Variants in SCN7A observed in about 807,000 individuals in gnomAD.
The protein encoded by SCN7A is sodium voltage-gated channel alpha subunit 7, also known as sodium channel protein type 7 subunit alpha.
Under a neutral mutation model 155.2 loss-of-function variants are expected in SCN7A, and 138 were observed. That is an observed-to-expected ratio of 0.89 (90% CI 0.77 to 1.02). SCN7A has a LOEUF of 1.02. Ranked by LOEUF, SCN7A falls within the 50% of genes least tolerant of loss-of-function variation. SCN7A has a pLI of 0.00. For missense variants in SCN7A, 2,058 were observed against 1,986.6 expected, an observed-to-expected ratio of 1.04 and a Z score of -0.68; for synonymous variants, 693 against 649.0, an observed-to-expected ratio of 1.07 and a Z score of -1.03.
chr2:166,405,979 G>A lies in SCN7A; in HGVS notation c.4650C>T (p.Phe1550=), dbSNP rs1335297413. Residue 1550 remains phenylalanine, a synonymous_variant, in exon 26 of 26, where the codon TTC becomes TTT. Coordinates refer to ENST00000643258, the MANE Select transcript of SCN7A (RefSeq NM_002976.4). ...DFAAALDPPL[F]MAKPNKGQLI... is the part of the protein sequence containing the mutation. The stretch of plus-strand genomic sequence containing the variant: ...GCTGGCCCTTGTTTGGTTTTGCCAT[G>A]AAAAGAGGAGGATCAAGAGCAGCTG... 20 of 1,612,868 alleles carry A rather than the reference G, an allele frequency of 1.2e-5. No individual in the cohort carries two copies. The Admixed American group carries it at 2.8e-4, about 23-fold the overall frequency.
intron 6 of SCN7A, among the ~76,000 whole-genome samples, chr2:166,471,101 TG>T (rs982308379): frequency 1.1e-4 from 16 of 151,862 alleles, no homozygotes; most frequent in African/African-American, 3.9e-4. Flanking sequence ...ATGGTAATTA[TG>T]GTGGTGATAT....
Position 166,474,278 on chromosome 2 carries a change from A to T in SCN7A, c.301T>A (p.Leu101Met), listed in dbSNP as rs199836504. 4.2e-4 allele frequency: 634 copies of T among 1,527,070 alleles called. 2 individuals are homozygous for T. Among genetic ancestry groups the T allele is most frequent in the Non-Finnish European group, 4.8e-4 (546 of 1,132,196 alleles). The allele number at this position is 1,527,070 out of a possible 1,614,324, so 94.6% of individuals were successfully genotyped here. The change falls in exon 4 of 26, where the codon TTG becomes ATG. Residue 101 changes from leucine (L) to methionine (M), a missense_variant. Physicochemically the swap from Leu to Met is conservative, Grantham distance 15. Coordinates refer to ENST00000643258, the MANE Select transcript of SCN7A (RefSeq NM_002976.4). ...CTTCTAATACAATTGAAAGGAGACA[A>T]TGTACACAAGATGGAAGCCGCATTG... ...RFNAASILCT[L>M]SPFNCIRRTT...
At chr2:166,440,076 AC>A (rs1701926004) in intron 15 of SCN7A, among the ~76,000 whole-genome samples, 1 of 152,166 alleles carries the variant, frequency 6.6e-6, no homozygotes, top group Non-Finnish European at 1.5e-5. Context: ...ATTCATTAGA[AC>A]CACTTCAGTT....
Position 166,412,675 on chromosome 2 carries a change from T to C in SCN7A, c.3469-8A>G. On this transcript the variant is annotated splice_region_variant and splice_polypyrimidine_tract_variant and intron_variant, in intron 22 of 25. Transcript: ENST00000643258. ...ATGAGGCTGTATATTAACCTAGAAG[T>C]TTAAAATAAGCAAATTATTGATATT... 1 of 1,478,626 alleles carries C rather than the reference T, an allele frequency of 6.8e-7. No individual in the cohort carries two copies. The highest frequency in any genetic ancestry group is 8.9e-7 in the Non-Finnish European group (1 of 1,121,644). 91.6% of individuals were successfully genotyped at this position (1,478,626 alleles called of 1,614,324 possible).
At chr2:166,454,177 TG>T (rs1051362289) in intron 11 of SCN7A, among the ~76,000 whole-genome samples, 7 of 152,296 alleles carry the variant, frequency 4.6e-5, no homozygotes, top group African/African-American at 1.7e-4. Flanking sequence ...CTTAAGATTG[TG>T]AAATGCCACT....
At chr2:166,475,093 C>CATATATATGTATATATATATAT (rs1553520518) in intron 3 of SCN7A, among the ~76,000 whole-genome samples, 24 of 129,556 alleles carry the variant, frequency 1.9e-4, no homozygotes, top group African/African-American at 6.5e-4. Flanking sequence ...TATATATATA[C>CATATATATGTATATATATATAT]ACATATATAT....
At chr2:166,486,042 A>G (rs1052579041) in intron 2 of SCN7A, among the ~76,000 whole-genome samples, 1 of 152,166 alleles carries the variant, frequency 6.6e-6, no homozygotes, top group Non-Finnish European at 1.5e-5. Flanking sequence ...CTTGCCCTTC[A>G]TCCTGAGGTC....
chr2:166,472,029 T>C (rs1233525625), intron 6 of SCN7A, among the ~76,000 whole-genome samples: 2 of 151,904 alleles, frequency 1.3e-5, no homozygotes, highest in Non-Finnish European at 2.9e-5. Flanking sequence ...TAGCTACATA[T>C]GCATACATTT....
chr2:166,462,689 CAT>C (rs768783646), intron 9 of SCN7A, among the ~76,000 whole-genome samples, 159 bp from the exon 10 acceptor site: 11 of 152,188 alleles, frequency 7.2e-5, no homozygotes, highest in African/African-American at 1.7e-4. Context: ...AAAAGTCACA[CAT>C]GAGTTAGATT....
chr2:166,447,692 A>C lies in SCN7A; in HGVS notation c.1307T>G (p.Ile436Arg). The change falls in exon 12 of 26, where the codon ATA becomes AGA. Residue 436 changes from isoleucine to arginine, a missense_variant. Ile to Arg is a moderately conservative substitution (Grantham distance 97). Coordinates refer to ENST00000643258, the MANE Select transcript of SCN7A (RefSeq NM_002976.4). The part of the protein sequence containing the change: ...NETDEAKTIQ[I>R]EMKKRSPIST... ...AATTGGTGACCTTTTCTTCATTTCTATTTGTATGGTCTTGGCCTGAAAAGG... is the reference window on the plus strand; with the variant it reads ...AATTGGTGACCTTTTCTTCATTTCTCTTTGTATGGTCTTGGCCTGAAAAGG... The C allele has an allele frequency of 1.2e-6, 2 of 1,612,670 alleles. No individual in the cohort carries two copies. Among genetic ancestry groups the C allele is most frequent in the Middle Eastern group, 1.7e-4 (1 of 6,046 alleles).
intron 18 of SCN7A, among the ~76,000 whole-genome samples, chr2:166,425,275 C>T (rs1701598988): frequency 6.6e-6 from 1 of 152,078 alleles, no homozygotes; most frequent in African/African-American, 2.4e-5. Context: ...AGACAACTCT[C>T]TTCATACAGT....
At chr2:166,408,069 G>C (rs1478576929) in intron 25 of SCN7A, among the ~76,000 whole-genome samples, 1 of 151,868 alleles carries the variant, frequency 6.6e-6, no homozygotes, top group Non-Finnish European at 1.5e-5. Flanking sequence ...TCAAATACAG[G>C]GAGCTCATTC....
rs1253583327 is a variant in SCN7A at position 166,416,759 on chromosome 2, G to T, written c.3362C>A (p.Ala1121Glu). 3 of 1,611,884 alleles carry T rather than the reference G, an allele frequency of 1.9e-6. No homozygotes were observed. Among genetic ancestry groups the T allele is most frequent in the Non-Finnish European group, 2.5e-6 (3 of 1,178,930 alleles). The change falls in exon 21 of 26, where the codon GCA becomes GAA. Residue 1121 changes from alanine to glutamate, a missense_variant. Coordinates refer to ENST00000643258, the MANE Select transcript of SCN7A (RefSeq NM_002976.4). ...TCCAACATTATCAAAGTTCATTTTT[G>T]CATTTTCCCATAGCATGGATTCGTT... ...LFNESMLWEN[A>E]KMNFDNVGNG...
chr2:166,414,111 A>ATGT (rs1161076242), intron 21 of SCN7A, among the ~76,000 whole-genome samples: 2 of 88,402 alleles, frequency 2.3e-5, no homozygotes, highest in Admixed American at 1.7e-4. Context: ...TATTATATAT[A>ATGT]AATATATATA....
chr2:166,445,721 C>T (rs1280015169), intron 12 of SCN7A, among the ~76,000 whole-genome samples: 1 of 152,052 alleles, frequency 6.6e-6, no homozygotes, highest in African/African-American at 2.4e-5. Context: ...CTGACTTGAT[C>T]ATGGTGGATA....
chr2:166,470,085 G>T (rs945101064), intron 7 of SCN7A, among the ~76,000 whole-genome samples: 2 of 151,720 alleles, frequency 1.3e-5, no homozygotes, highest in South Asian at 4.1e-4. Flanking sequence ...CTTTAGAAAT[G>T]GGAGCTGTAA....
intron 15 of SCN7A, among the ~76,000 whole-genome samples, chr2:166,435,567 A>G (rs543655344): frequency 1.3e-5 from 2 of 152,266 alleles, no homozygotes; most frequent in South Asian, 4.1e-4. Flanking sequence ...AAAGAGGAAG[A>G]AAGTTCAAGA....
intron 9 of SCN7A, among the ~76,000 whole-genome samples, chr2:166,462,785 T>G (rs1310973603): frequency 6.6e-6 from 1 of 152,194 alleles, no homozygotes; most frequent in East Asian, 1.9e-4. Context: ...ATTTTTTTTG[T>G]ATTTCTTTAT....
At chr2:166,439,403 A>G (rs114558473) in intron 15 of SCN7A, among the ~76,000 whole-genome samples, 1,846 of 152,180 alleles carry the variant, frequency 0.012, 20 homozygotes, top group South Asian at 0.048. Flanking sequence ...TCTTTCCTCT[A>G]TTAGACTTGA....
Sources: gnomAD v4.1 joint callset for allele counts (sites outside exome capture counted in the v4.1 genomes callset) on GRCh38, gnomAD v4.1.1 for gene constraint, MANE v1.5 for transcripts, NCBI Gene and HGNC (gene_info 2026-07-23, HGNC 2026-07-21) for gene names.